The following CCDC171 variants were observed in gnomAD, a reference collection of about 807,000 sequenced individuals.
CCDC171 encodes the protein coiled-coil domain containing 171.
CCDC171 carries 177 observed loss-of-function variants against 168.2 expected under a neutral mutation model. The ratio of observed to expected loss-of-function variants is 1.05; its 90% CI spans 0.93 to 1.19. The LOEUF (loss-of-function observed/expected upper bound fraction) is 1.19. CCDC171 is among the 50% of genes most tolerant of loss of function. The pLI, the probability that CCDC171 is intolerant of heterozygous loss-of-function variation, is 0.00. For synonymous variants in CCDC171, 687 were observed against 540.8 expected, an observed-to-expected ratio of 1.27 and a Z score of -3.75; for missense variants, 1,991 against 1,539.0, an observed-to-expected ratio of 1.29 and a Z score of -4.91.
At chr9:15,912,735 T>C (rs1823889114) in intron 24 of CCDC171, among the ~76,000 whole-genome samples, 1 of 152,210 alleles carries the variant, frequency 6.6e-6, no homozygotes, top group Non-Finnish European at 1.5e-5. Context: ...TTATTGAGTG[T>C]TTTTAGCATG....
intron 11 of CCDC171, among the ~76,000 whole-genome samples, chr9:15,710,823 C>T (rs920395603): frequency 1.3e-5 from 2 of 151,172 alleles, no homozygotes; most frequent in Admixed American, 6.6e-5. Context: ...TCTTGAACTC[C>T]GGACCTCAAG....
chr9:15,777,283 TA>T (rs2057378054), intron 18 of CCDC171, among the ~76,000 whole-genome samples: 1 of 152,230 alleles, frequency 6.6e-6, no homozygotes, highest in Non-Finnish European at 1.5e-5. Context: ...TTGGCAGTTG[TA>T]AATAGAAAAT....
Position 15,821,137 on chromosome 9 carries a change from C to T in CCDC171, c.3268-25565C>T, listed in dbSNP as rs879509393. 6.0e-5 allele frequency among the ~76,000 whole-genome samples: 7 copies of T among 117,274 alleles called. 3 individuals carry two copies. The highest frequency in any genetic ancestry group is 5.7e-4 in the South Asian group (2 of 3,504). The allele number at this position is 117,274 out of a possible 152,430, so 76.9% of individuals were successfully genotyped here. A position where few individuals can be genotyped will look rare whatever the true frequency, so the allele number is the denominator to read the frequency against. ...AAAGGCCTTTGACAAAATTCAACAA[C>T]GCTTCATGGTAAAAACTCCCAATAA... On this transcript the variant is annotated intron_variant, in intron 21 of 25. Coordinates refer to ENST00000380701, the MANE Select transcript of CCDC171 (RefSeq NM_173550.4).
rs529688111 is a variant in CCDC171 at position 15,579,414 on chromosome 9, CA to C, written c.352+392del. ...CTTGAGAATCTATATGTTCAAGAAG[CA>C]CTGCCTCTTTCATTGATTTTGCCAG... On this transcript the variant is annotated intron_variant, in intron 4 of 25. Transcript: ENST00000380701. Among the ~76,000 whole-genome samples the C allele has an allele frequency of 1.6e-3, 245 of 152,302 alleles. 2 individuals carry two copies. The highest frequency in any genetic ancestry group is 1.2e-3 in the South Asian group (6 of 4,826).
intron 3 of CCDC171, among the ~76,000 whole-genome samples, chr9:16,005,435 A>G (rs1564114669): frequency 6.6e-6 from 1 of 152,192 alleles, no homozygotes; most frequent in East Asian, 1.9e-4. Context: ...CCTTTTGGTC[A>G]TTGTGAATAG....
intron 10 of CCDC171, among the ~76,000 whole-genome samples, chr9:15,691,560 A>ATATATATATG (rs1554762282): frequency 4.2e-5 from 6 of 142,132 alleles, no homozygotes; most frequent in African/African-American, 1.6e-4. Context: ...ATATATATAT[A>ATATATATATG]TATATATATA....
intron 10 of CCDC171, among the ~76,000 whole-genome samples, chr9:15,694,463 T>C (rs1258504958): frequency 6.6e-6 from 1 of 152,218 alleles, no homozygotes; most frequent in Non-Finnish European, 1.5e-5. Context: ...ATAGAATTCA[T>C]GATTGATACC....
At chr9:15,837,250 A>G (rs2060491474) in intron 21 of CCDC171, among the ~76,000 whole-genome samples, 1 of 152,210 alleles carries the variant, frequency 6.6e-6, no homozygotes, top group African/African-American at 2.4e-5. Flanking sequence ...CATATTCCTG[A>G]CATTTTAAAG....
At chr9:16,010,635 T>C (rs1832843375) in intron 3 of CCDC171, among the ~76,000 whole-genome samples, 1 of 152,126 alleles carries the variant, frequency 6.6e-6, no homozygotes, top group African/African-American at 2.4e-5. Context: ...GACAATATTC[T>C]GGTTGAAACA....
chr9:15,663,069 C>G (rs1172783843), intron 8 of CCDC171, among the ~76,000 whole-genome samples: 1 of 152,186 alleles, frequency 6.6e-6, no homozygotes, highest in Non-Finnish European at 1.5e-5. Flanking sequence ...AGTAGATAGT[C>G]TAGTTGACAT....
Position 15,784,681 on chromosome 9 carries a change from G to A in CCDC171, c.3254G>A (p.Gly1085Glu). Residue 1085 changes from glycine (G) to glutamate (E), a missense_variant, in exon 21 of 26, where the codon GGA becomes GAA. By Grantham distance (98) the Gly-to-Glu change is moderately conservative. Coordinates refer to ENST00000380701, the MANE Select transcript of CCDC171 (RefSeq NM_173550.4). ...SEEADKNQTL[G>E]EAVKSLSEAK... The stretch of plus-strand genomic sequence containing the variant: ...GAAGCTGACAAAAACCAAACTCTTG[G>A]AGAAGCTGTTAAGGTAAGAGAATAA... 1 of 1,611,948 alleles carries A rather than the reference G, an allele frequency of 6.2e-7. No individual in the cohort carries two copies. The highest frequency in any genetic ancestry group is 1.3e-5 in the African/African-American group (1 of 74,954).
chr9:15,745,577 C>G lies in CCDC171; in HGVS notation c.2617C>G (p.Leu873Val), dbSNP rs145203109. The change falls in exon 18 of 26, where the codon CTT (leucine) becomes GTT (valine). Residue 873 changes from leucine to valine, a missense_variant. Physicochemically the swap from Leu to Val is conservative, Grantham distance 32 (BLOSUM62 1). Coordinates refer to ENST00000380701, the MANE Select transcript of CCDC171 (RefSeq NM_173550.4). ...ALSWLTSSDL[L>V]AAIISSMAEL... ...CAGTTGGCTCACCAGTTCTGACCTT[C>G]TTGCTGCAATAATCAGTTCTATGGC... 7 of 1,590,890 alleles carry G rather than the reference C, an allele frequency of 4.4e-6. No individual in the cohort carries two copies. Among genetic ancestry groups the G allele is most frequent in the Admixed American group, 1.8e-5 (1 of 55,736 alleles).
chr9:15,694,411 G>T (rs556500678), intron 10 of CCDC171, among the ~76,000 whole-genome samples: 1 of 152,178 alleles, frequency 6.6e-6, no homozygotes, highest in East Asian at 1.9e-4. Flanking sequence ...GCATTGTGCT[G>T]GTGTAGAGTG....
chr9:16,064,001 C>T (rs1833964687), downstream of CCDC171, among the ~76,000 whole-genome samples: 1 of 152,148 alleles, frequency 6.6e-6, no homozygotes, highest in African/African-American at 2.4e-5. Flanking sequence ...AGTGGTCCTC[C>T]CGACTATTCC....
chr9:15,604,968 A>G lies in CCDC171; in HGVS notation c.675+10796A>G, dbSNP rs182825563. Among the ~76,000 whole-genome samples the G allele has an allele frequency of 6.1e-3, 933 of 152,136 alleles. 9 individuals are homozygous for G. The highest frequency in any genetic ancestry group is 0.022 in the African/African-American group (908 of 41,518). ...GGTCTCACTCTGTTGCCCATGTTGG[A>G]GTGCAGCGGGACTATCACAGCTCAC... On this transcript the variant is annotated intron_variant, in intron 6 of 25. Coordinates refer to ENST00000380701, the MANE Select transcript of CCDC171 (RefSeq NM_173550.4).
At chr9:16,065,112 G>T (rs1432489765), downstream of CCDC171, among the ~76,000 whole-genome samples, 2 of 152,160 alleles carry the variant, frequency 1.3e-5, no homozygotes, top group Non-Finnish European at 1.5e-5. Flanking sequence ...CGGGTCCCAG[G>T]TCCGCCTGCG....
At position 15,973,885 on chromosome 9, in the gene CCDC171, A is replaced by T. The variant is rs1202586746; in HGVS notation, c.*2049A>T. 4 of 152,146 alleles carry T rather than the reference A, an allele frequency of 2.6e-5. No individual in the cohort carries two copies. Among genetic ancestry groups the T allele is most frequent in the Non-Finnish European group, 1.5e-5 (1 of 68,022 alleles). 9.4% of individuals were successfully genotyped at this position (152,146 alleles called of 1,614,324 possible). A position where few individuals can be genotyped will look rare whatever the true frequency, so the allele number is the denominator to read the frequency against. On this transcript the variant is annotated 3_prime_UTR_variant, in exon 26 of 26. Transcript: ENST00000380701. ...TATGTCTAAGTGTTTGTGTGTGTGT[A>T]TGCTTGTGTTGAATCTGTTTTCAGA...
At chr9:16,039,866 G>T (rs575329612), upstream of CCDC171, among the ~76,000 whole-genome samples, 1 of 152,120 alleles carries the variant, frequency 6.6e-6, no homozygotes, top group African/African-American at 2.4e-5. Flanking sequence ...GTGTAATGGG[G>T]TGGGGGGTGG....
At chr9:15,629,327 C>G (rs1287858416) in intron 7 of CCDC171, among the ~76,000 whole-genome samples, 1 of 152,030 alleles carries the variant, frequency 6.6e-6, no homozygotes, top group Admixed American at 6.6e-5. Context: ...CAGAGAAGTG[C>G]TTAAAGGAGG....
Sources: allele counts gnomAD v4.1 joint callset (sites outside exome capture counted in the v4.1 genomes callset), GRCh38; gene constraint gnomAD v4.1.1; transcripts MANE v1.5; gene names NCBI Gene and HGNC (gene_info 2026-07-23, HGNC 2026-07-21).